IGFN1: variants seen among roughly 807,000 people sequenced by gnomAD.
The protein encoded by IGFN1 is immunoglobulin like and fibronectin type III domain containing 1, also known as immunoglobulin-like and fibronectin type III domain-containing protein 1.
Under a neutral mutation model 289.5 loss-of-function variants are expected in IGFN1, and 253 were observed. The ratio of observed to expected loss-of-function variants is 0.87; its 90% CI spans 0.79 to 0.97. The LOEUF (loss-of-function observed/expected upper bound fraction) is 0.97, where lower values mean the gene tolerates loss of function less well. Among genes scored for constraint, IGFN1 ranks in the 50% least tolerant of loss-of-function variants. The pLI is 0.00. For synonymous variants in IGFN1, 1,706 were observed against 1,788.5 expected (o/e 0.95, Z 1.16); for missense variants, 4,470 against 4,686.1 (o/e 0.95, Z 1.35).
chr1:201,215,509 T>A (rs368534350), intron 14 of IGFN1, 30 bp from the exon 15 acceptor site: 1 of 1,522,186 alleles, frequency 6.6e-7, no homozygotes. Flanking sequence ...AGTGCCCTGG[T>A]CTTCCTTGAC....
Position 201,200,235 on chromosome 1 carries a change from A to G in IGFN1, c.459-2A>G. 1 of 1,551,096 alleles carries G rather than the reference A, an allele frequency of 6.4e-7. No individual in the cohort carries two copies. Among genetic ancestry groups the G allele is most frequent in the Non-Finnish European group, 8.7e-7 (1 of 1,146,610 alleles). On this transcript the variant is annotated splice_acceptor_variant, in intron 7 of 23. Transcript: ENST00000335211. LOFTEE classifies it high-confidence loss of function. The stretch of plus-strand genomic sequence containing the variant: ...CTCTGACCTGCTAGCCTTGCTCCCC[A>G]GGGCCCCACCAGCCCCCAAGAAAAA...
rs145066841 is a variant in IGFN1, at chr1:201,204,936, G to A, written c.917-146G>A. 80 of 700,584 alleles carry A rather than the reference G, an allele frequency of 1.1e-4. No homozygotes were observed. In the African/African-American group the frequency reaches 1.2e-3, roughly 10 times the overall value. 43.4% of individuals were successfully genotyped at this position (700,584 alleles called of 1,614,324 possible). A position where few individuals can be genotyped will look rare whatever the true frequency, so the allele number is the denominator to read the frequency against. On this transcript the variant is annotated intron_variant, in intron 10 of 23. Transcript: ENST00000335211. ...TACTTGGGGGGAATTGACACCTGAGGTCCAGAGGTGACCTGTCCAAGGTAA... is the reference window on the plus strand; with the variant it reads ...TACTTGGGGGGAATTGACACCTGAGATCCAGAGGTGACCTGTCCAAGGTAA...
chr1:201,192,187 C>T (rs780676308), intron 1 of IGFN1, among the ~76,000 whole-genome samples: 5 of 152,232 alleles, frequency 3.3e-5, no homozygotes, highest in Non-Finnish European at 5.9e-5. Context: ...TGGCGAGGGG[C>T]TGCCAGGGGT....
Position 201,226,868 on chromosome 1 carries a change from G to C in IGFN1, c.10787-14G>C, listed in dbSNP as rs150628404. The C allele has an allele frequency of 1.8e-5, 28 of 1,552,624 alleles. No individual in the cohort carries two copies. The East Asian group carries it at 5.9e-4, about 33-fold the overall frequency. On this transcript the variant is annotated splice_polypyrimidine_tract_variant and intron_variant, in intron 22 of 23. Coordinates refer to ENST00000335211, the MANE Select transcript of IGFN1 (RefSeq NM_001164586.2). The stretch of plus-strand genomic sequence containing the variant: ...CTTTCTCACCCTCTTCTCTCACCCC[G>C]GCTTTCACCACAGACAGGTTCACAG...
Position 201,206,435 on chromosome 1 carries a change from G to A in IGFN1, c.1542G>A (p.Trp514Ter). 1.9e-6 allele frequency: 3 copies of A among 1,551,166 alleles called. No individual in the cohort carries two copies. Among genetic ancestry groups the A allele is most frequent in the South Asian group, 1.2e-5 (1 of 84,058 alleles). The stretch of plus-strand genomic sequence containing the variant: ...ATCAATCCCACAGAGAGGGAGGCTG[G>A]GCCAGAAGCCTTGCAGAGAGGCCCC... The part of the protein sequence containing the change: ...RENQSHREGG[W>*]ARSLAERPHL... The change falls in exon 12 of 24, where the codon TGG becomes TGA. Residue 514 changes from tryptophan to a stop codon, truncating the protein, a stop_gained. Coordinates refer to ENST00000335211, the MANE Select transcript of IGFN1 (RefSeq NM_001164586.2). LOFTEE classifies it high-confidence loss of function.
Position 201,205,274 on chromosome 1 carries a change from G to C in IGFN1, c.1109G>C (p.Arg370Thr), listed in dbSNP as rs752551820. The C allele has an allele frequency of 3.2e-6, 5 of 1,550,770 alleles. No individual in the cohort carries two copies. In the South Asian group the frequency reaches 3.6e-5, roughly 11 times the overall value. The change falls in exon 11 of 24, where the codon AGG becomes ACG. Residue 370 changes from arginine to threonine, a missense_variant. Arg to Thr is a moderately conservative substitution (Grantham distance 71). Coordinates refer to ENST00000335211, the MANE Select transcript of IGFN1 (RefSeq NM_001164586.2). ...GGGCTGACCCACCGGCTGGTGGTGAGGGGGGCACGTTTCTCAGACATGGGC... is the reference window on the plus strand; with the variant it reads ...GGGCTGACCCACCGGCTGGTGGTGACGGGGGCACGTTTCTCAGACATGGGC... Reference protein sequence around the residue: ...PDGLTHRLVVRGARFSDMGPY... With the variant: ...PDGLTHRLVVTGARFSDMGPY...
Position 201,212,297 on chromosome 1 carries a change from G to T in IGFN1, c.7404G>T (p.Gly2468=), listed in dbSNP as rs565614901. Residue 2468 remains glycine, a synonymous_variant, in exon 12 of 24, where the codon GGG becomes GGT. Transcript: ENST00000335211. ...AGCGAGGCTCCACCAAAGATCTTGG[G>T]GGCTATGGAACTTCAGGGATCCCTG... ...SDERGSTKDL[G]GYGTSGIPEA... is the part of the protein sequence containing the mutation. 1 of 1,536,512 alleles carries T rather than the reference G, an allele frequency of 6.5e-7. No homozygotes were observed. Among genetic ancestry groups the T allele is most frequent in the Non-Finnish European group, 8.7e-7 (1 of 1,146,758 alleles).
intron 14 of IGFN1, 108 bp downstream of exon 14, chr1:201,215,262 A>C: frequency 8.2e-7 from 1 of 1,223,164 alleles, no homozygotes; most frequent in Non-Finnish European, 1.1e-6. Flanking sequence ...GTCTGCAGCC[A>C]GTATCTAATC....
In IGFN1 at chr1:201,207,531, G is replaced by A; in HGVS notation, c.2638G>A (p.Gly880Ser). ...GIWVAGLTES[G>S]QGVDARSHWL... ...CTGGGTGGCTGGACTGACGGAGTCT[G>A]GTCAGGGGGTGGATGCCAGAAGCCA... The change falls in exon 12 of 24, where the codon GGT (glycine) becomes AGT (serine). Residue 880 changes from glycine to serine, a missense_variant. Gly to Ser is a moderately conservative substitution (Grantham distance 56). This residue lies in a region of IGFN1 where 2,011 missense variants were observed against 1,953.4 expected (regional missense o/e 1.03). Transcript: ENST00000335211. The A allele has an allele frequency of 1.3e-6, 2 of 1,536,758 alleles. No individual in the cohort carries two copies. Among genetic ancestry groups the A allele is most frequent in the Non-Finnish European group, 1.7e-6 (2 of 1,146,734 alleles).
At chr1:201,224,441 C>T (rs943136939) in intron 20 of IGFN1, among the ~76,000 whole-genome samples, 1 of 152,116 alleles carries the variant, frequency 6.6e-6, no homozygotes, top group Non-Finnish European at 1.5e-5. Context: ...CGAACCTCTT[C>T]GTCCAACTTC....
At chr1:201,213,717 C>A in intron 12 of IGFN1, 96 bp downstream of exon 12, 3 of 1,048,092 alleles carry the variant, frequency 2.9e-6, no homozygotes, top group Non-Finnish European at 4.2e-6. Context: ...GTTCTGCCTC[C>A]AGCCCCAGGA....
Position 201,207,686 on chromosome 1 carries a change from A to T in IGFN1, c.2793A>T (p.Arg931Ser). The T allele has an allele frequency of 2.6e-6, 4 of 1,537,094 alleles. No individual in the cohort carries two copies. In the South Asian group the frequency reaches 3.6e-5, roughly 14 times the overall value. ...TCTGGAATGGGTCAGGGAGCTCCAGAGTAAAAGGACCCAGAGGTGAGACAG... is the reference window on the plus strand; with the variant it reads ...TCTGGAATGGGTCAGGGAGCTCCAGTGTAAAAGGACCCAGAGGTGAGACAG... ...PDFWNGSGSS[R>S]VKGPRGETGY... The change falls in exon 12 of 24, where the codon AGA becomes AGT. Residue 931 changes from arginine to serine, a missense_variant. Coordinates refer to ENST00000335211, the MANE Select transcript of IGFN1 (RefSeq NM_001164586.2).
chr1:201,209,004 G>A lies in IGFN1; in HGVS notation c.4111G>A (p.Gly1371Arg), dbSNP rs555917404. ...SGGLKGSREI[G>R]SMDETDNRKD... ...TGGTTTAAAGGGTTCCAGGGAAATC[G>A]GGTCAATGGATGAAACAGATAATAG... is the stretch of plus-strand genomic sequence containing the variant. The change falls in exon 12 of 24, where the codon GGG becomes AGG. Residue 1371 changes from glycine to arginine, a missense_variant. By Grantham distance (125) the Gly-to-Arg change is moderately radical (BLOSUM62 -2). Transcript: ENST00000335211. 16 of 1,536,514 alleles carry A rather than the reference G, an allele frequency of 1.0e-5. No homozygotes were observed. Among genetic ancestry groups the A allele is most frequent in the Admixed American group, 5.9e-5 (3 of 50,912 alleles).
In IGFN1 at chr1:201,222,779, G is replaced by A; in HGVS notation, c.10242G>A (p.Leu3414=). Residue 3414 remains leucine (L), a synonymous_variant, in exon 20 of 24, where the codon TTG becomes TTA. Coordinates refer to ENST00000335211, the MANE Select transcript of IGFN1 (RefSeq NM_001164586.2). ...TCGTGGACTCCAGCACCAAGGACTTGCTGACAGTCAAGGTCGGGGACACAG... is the reference window on the plus strand; with the variant it reads ...TCGTGGACTCCAGCACCAAGGACTTACTGACAGTCAAGGTCGGGGACACAG... ...KFLVDSSTKD[L]LTVKVGDTVR... The A allele has an allele frequency of 1.2e-6, 2 of 1,613,458 alleles. No individual in the cohort carries two copies. Among genetic ancestry groups the A allele is most frequent in the Non-Finnish European group, 1.7e-6 (2 of 1,179,568 alleles).
intron 11 of IGFN1, among the ~76,000 whole-genome samples, chr1:201,205,795 A>G (rs957652555): frequency 6.6e-6 from 1 of 152,254 alleles, no homozygotes; most frequent in East Asian, 1.9e-4. Context: ...TTTGATAAAC[A>G]AATGACTTTT....
Position 201,212,222 on chromosome 1 carries a change from G to A in IGFN1, c.7329G>A (p.Arg2443=). 3 of 1,534,268 alleles carry A rather than the reference G, an allele frequency of 2.0e-6. No individual in the cohort carries two copies. The highest frequency in any genetic ancestry group is 2.6e-6 in the Non-Finnish European group (3 of 1,145,596). The change falls in exon 12 of 24, where the codon AGG becomes AGA. Residue 2443 remains arginine, a synonymous_variant. Transcript: ENST00000335211. The part of the protein sequence containing the change: ...AGGMAHRDSL[R]GTGVLGSQGG... ...GCATGGCACACAGAGACAGCCTCAG[G>A]GGCACAGGGGTGCTGGGGTCTCAGG...
rs1256790892 is a variant in IGFN1 at position 201,206,700 on chromosome 1, C to G, written c.1807C>G (p.Pro603Ala). 1.3e-6 allele frequency: 2 copies of G among 1,536,700 alleles called. No individual in the cohort carries two copies. Among genetic ancestry groups the G allele is most frequent in the East Asian group, 4.9e-5 (2 of 40,928 alleles). ...GCAACTGTGGGATGCTCGACTGGGA[C>G]CTGGGAGAGGAAAGAGCGACCTGCA... ...PEQLWDARLGPGRGKSDLQGC... is the reference protein window; with the variant it reads ...PEQLWDARLGAGRGKSDLQGC... The change falls in exon 12 of 24, where the codon CCT becomes GCT. Residue 603 changes from proline to alanine, a missense_variant. Pro to Ala is a conservative substitution (Grantham distance 27). Transcript: ENST00000335211.
At chr1:201,195,149 CTT>C (rs149647238) in intron 3 of IGFN1, among the ~76,000 whole-genome samples, 7 of 147,158 alleles carry the variant, frequency 4.8e-5, no homozygotes, top group African/African-American at 1.0e-4. Context: ...AAAATCTCTT[CTT>C]TTTTTTTTTT....
chr1:201,221,385 C>A, intron 18 of IGFN1, 59 bp from the exon 19 acceptor site: 1 of 1,302,882 alleles, frequency 7.7e-7, no homozygotes, highest in South Asian at 1.5e-5. Context: ...AATCAATATC[C>A]ACACTGAGTG....
Sources: gnomAD v4.1 joint callset for allele counts (sites outside exome capture counted in the v4.1 genomes callset) on GRCh38, gnomAD v4.1.1 for gene constraint, gnomAD v4.1.1 regional missense constraint, MANE v1.5 for transcripts, NCBI Gene and HGNC (gene_info 2026-07-23, HGNC 2026-07-21) for gene names.